The following ARL14EPL variants were observed in gnomAD, a reference collection of about 807,000 sequenced individuals.
ARL14EPL encodes the protein ARL14 effector protein-like.
In ARL14EPL, 17 loss-of-function variants were observed where a neutral mutation model predicts 15.9. That is an observed-to-expected ratio of 1.07 (90% CI 0.73 to 1.60). The LOEUF (loss-of-function observed/expected upper bound fraction) is 1.60. Ranked by LOEUF, ARL14EPL falls within the 40% of genes most tolerant of loss-of-function variation. ARL14EPL has a pLI of 0.00. For missense variants in ARL14EPL, 214 were observed against 185.9 expected (o/e 1.15, Z -0.88); for synonymous variants, 78 against 63.8 (o/e 1.22, Z -1.06).
intron 1 of ARL14EPL, among the ~76,000 whole-genome samples, chr5:116,042,875 C>G (rs116283671): frequency 0.016 from 2,403 of 152,192 alleles, 57 homozygotes; most frequent in African/African-American, 0.054. Context: ...TATAAATACT[C>G]TTTGTATTCT....
chr5:116,036,268 A>G (rs1749048264), intron 1 of ARL14EPL, among the ~76,000 whole-genome samples: 3 of 152,172 alleles, frequency 2.0e-5, no homozygotes, highest in Non-Finnish European at 4.4e-5. Context: ...AATTTAGGAC[A>G]TGGTTAAGAT....
At position 116,036,887 on chromosome 5, in the gene ARL14EPL, A is replaced by G. The variant is rs867371080; in HGVS notation, c.-10+4382A>G. On this transcript the variant is annotated intron_variant, in intron 1 of 3. Coordinates refer to ENST00000686077, the MANE Select transcript of ARL14EPL (RefSeq NM_001195581.2). ...ACATCAGTACTAAATTTATTGATGCATTTTGAATATTCTTTTTGATGTTTT... is the reference window on the plus strand; with the variant it reads ...ACATCAGTACTAAATTTATTGATGCGTTTTGAATATTCTTTTTGATGTTTT... Among the ~76,000 whole-genome samples the G allele has an allele frequency of 5.7e-4, 86 of 152,200 alleles. 1 individual carries two copies. Among genetic ancestry groups the G allele is most frequent in the Middle Eastern group, 6.8e-3 (2 of 294 alleles).
At position 116,059,343 on chromosome 5, in the gene ARL14EPL, T is replaced by C. The variant is rs1580420428; in HGVS notation, c.*396T>C. On this transcript the variant is annotated 3_prime_UTR_variant, in exon 4 of 4. Coordinates refer to ENST00000686077, the MANE Select transcript of ARL14EPL (RefSeq NM_001195581.2). Reference sequence around the variant, plus strand: ...AGAATCTTAAATTTATAATATCTAGTTGTCCTTAGAATCTTATACATCACT... The same window carrying C: ...AGAATCTTAAATTTATAATATCTAGCTGTCCTTAGAATCTTATACATCACT... 1 of 188,750 alleles carries C rather than the reference T, an allele frequency of 5.3e-6. No individual in the cohort carries two copies. Among genetic ancestry groups the C allele is most frequent in the Admixed American group, 5.3e-5 (1 of 18,698 alleles). 11.7% of individuals were successfully genotyped at this position (188,750 alleles called of 1,614,324 possible).
chr5:116,040,995 T>TAAAAAAAAAAAAAAAAAAAA (rs1749145719), intron 1 of ARL14EPL, among the ~76,000 whole-genome samples: 1 of 57,368 alleles, frequency 1.7e-5, no homozygotes, highest in Non-Finnish European at 3.9e-5. Flanking sequence ...AAAAAAAAAG[T>TAAAAAAAAAAAAAAAAAAAA]TTTTATGCTG....
chr5:116,050,267 C>T (rs1749344586), intron 1 of ARL14EPL, among the ~76,000 whole-genome samples: 1 of 152,222 alleles, frequency 6.6e-6, no homozygotes, highest in Non-Finnish European at 1.5e-5. Context: ...CACCCAGTAG[C>T]TCCCAGTGTC....
intron 1 of ARL14EPL, among the ~76,000 whole-genome samples, chr5:116,049,088 A>G (rs1749324314): frequency 6.6e-6 from 1 of 152,224 alleles, no homozygotes; most frequent in African/African-American, 2.4e-5. Flanking sequence ...CTTTCACACC[A>G]TCATAAAGTC....
chr5:116,051,656 A>C (rs1035462357), intron 2 of ARL14EPL, 95 bp downstream of exon 2: 7 of 1,066,546 alleles, frequency 6.6e-6, no homozygotes, highest in Non-Finnish European at 9.4e-6. Flanking sequence ...AGGTGGGCCC[A>C]GGCAGGACCT....
intron 2 of ARL14EPL, among the ~76,000 whole-genome samples, chr5:116,053,408 T>C (rs1291700572): frequency 2.6e-5 from 4 of 151,080 alleles, no homozygotes; most frequent in African/African-American, 9.7e-5. Flanking sequence ...TTTGAAAATG[T>C]CCCCGTATGC....
Position 116,044,909 on chromosome 5 carries a change from C to G in ARL14EPL, c.-9-6548C>G, listed in dbSNP as rs1318531050. Among the ~76,000 whole-genome samples, 3 of 152,152 alleles carry G rather than the reference C, an allele frequency of 2.0e-5. No homozygotes were observed. The East Asian group carries it at 5.8e-4, about 29-fold the overall frequency. On this transcript the variant is annotated intron_variant, in intron 1 of 3. Transcript: ENST00000686077. ...AAGGCAGTACAGTTTTCCTTTCTTT[C>G]CAGTATTCTTTCCTTCTTTTTCATC...
intron 1 of ARL14EPL, among the ~76,000 whole-genome samples, chr5:116,034,456 T>G (rs1217441242): frequency 6.6e-6 from 1 of 152,220 alleles, no homozygotes; most frequent in Non-Finnish European, 1.5e-5. Flanking sequence ...AGGATGAAAG[T>G]ACTAGTAGTA....
At chr5:116,040,054 A>G (rs1749120325) in intron 1 of ARL14EPL, among the ~76,000 whole-genome samples, 1 of 152,168 alleles carries the variant, frequency 6.6e-6, no homozygotes, top group Non-Finnish European at 1.5e-5. Context: ...AGTTGCTGCC[A>G]AACTTTTTAC....
chr5:116,054,117 T>G lies in ARL14EPL; in HGVS notation c.200T>G (p.Met67Arg). Residue 67 changes from methionine to arginine, a missense_variant, in exon 3 of 4, where the codon ATG becomes AGG. By Grantham distance (91) the Met-to-Arg change is moderately conservative. Coordinates refer to ENST00000686077, the MANE Select transcript of ARL14EPL (RefSeq NM_001195581.2). ...AGGCAGCAGAAAAAGAAAGCCCGGATGTCAAAGATGAATGAATATTTTTCT... is the reference window on the plus strand; with the variant it reads ...AGGCAGCAGAAAAAGAAAGCCCGGAGGTCAAAGATGAATGAATATTTTTCT... ...ETRQQKKKAR[M>R]SKMNEYFSTK... 1 of 1,535,688 alleles carries G rather than the reference T, an allele frequency of 6.5e-7. No homozygotes were observed. The highest frequency in any genetic ancestry group is 8.7e-7 in the Non-Finnish European group (1 of 1,146,648).
intron 2 of ARL14EPL, among the ~76,000 whole-genome samples, chr5:116,052,746 C>T (rs1360861696): frequency 1.3e-5 from 2 of 152,196 alleles, no homozygotes; most frequent in Admixed American, 6.5e-5. Flanking sequence ...TTACTAGACT[C>T]TTATTAAACT....
At chr5:116,036,896 A>G (rs1265021229) in intron 1 of ARL14EPL, among the ~76,000 whole-genome samples, 1 of 151,974 alleles carries the variant, frequency 6.6e-6, no homozygotes, top group Non-Finnish European at 1.5e-5. Flanking sequence ...CATTTTGAAT[A>G]TTCTTTTTGA....
At chr5:116,034,296 A>G (rs1200811434) in intron 1 of ARL14EPL, among the ~76,000 whole-genome samples, 1 of 152,086 alleles carries the variant, frequency 6.6e-6, no homozygotes, top group East Asian at 1.9e-4. Flanking sequence ...CATTTAGGAG[A>G]TTGTCCTGAG....
intron 1 of ARL14EPL, among the ~76,000 whole-genome samples, chr5:116,047,908 G>C (rs1467018071): frequency 6.6e-6 from 1 of 152,176 alleles, no homozygotes; most frequent in Non-Finnish European, 1.5e-5. Context: ...AAGAGAATGG[G>C]GCTGAGAGAT....
intron 1 of ARL14EPL, among the ~76,000 whole-genome samples, chr5:116,047,659 G>A (rs1749298652): frequency 6.6e-6 from 1 of 152,202 alleles, no homozygotes; most frequent in Non-Finnish European, 1.5e-5. Flanking sequence ...CTCTGAGCAT[G>A]TGTTCCTTCC....
At chr5:116,046,072 C>T (rs1309324411) in intron 1 of ARL14EPL, among the ~76,000 whole-genome samples, 1 of 152,146 alleles carries the variant, frequency 6.6e-6, no homozygotes, top group Non-Finnish European at 1.5e-5. Context: ...GGGATTGACT[C>T]ACCTGTCAAT....
At chr5:116,041,555 C>A (rs1054453786) in intron 1 of ARL14EPL, among the ~76,000 whole-genome samples, 3 of 152,122 alleles carry the variant, frequency 2.0e-5, no homozygotes, top group African/African-American at 7.2e-5. Context: ...GCTAGTCACT[C>A]CATTTTTGTC....
Sources: gnomAD v4.1 joint callset for allele counts (sites outside exome capture counted in the v4.1 genomes callset) on GRCh38, gnomAD v4.1.1 for gene constraint, MANE v1.5 for transcripts, NCBI Gene and HGNC (gene_info 2026-07-23, HGNC 2026-07-21) for gene names.